The following PTPN21 variants were observed in gnomAD, a reference collection of about 807,000 sequenced individuals.
PTPN21 encodes the protein tyrosine-protein phosphatase non-receptor type 21.
PTPN21 carries 77 observed loss-of-function variants against 131.8 expected under a neutral mutation model. The ratio of observed to expected loss-of-function variants is 0.58; its 90% CI spans 0.49 to 0.71. The LOEUF is 0.71. PTPN21 is among the 30% of genes least tolerant of loss of function. The pLI is 0.00. For synonymous variants in PTPN21, 715 were observed against 621.3 expected, an observed-to-expected ratio of 1.15 and a Z score of -2.24; for missense variants, 1,552 against 1,527.1, an observed-to-expected ratio of 1.02 and a Z score of -0.27.
chr14:88,541,933 C>T (rs182922695), intron 2 of PTPN21, among the ~76,000 whole-genome samples: 153 of 152,278 alleles, frequency 1.0e-3, no homozygotes, highest in Non-Finnish European at 1.0e-3. Flanking sequence ...CAGGAAGCCT[C>T]CAGGCCCACA....
intron 12 of PTPN21, among the ~76,000 whole-genome samples, chr14:88,484,084 C>T (rs940324901): frequency 2.6e-5 from 4 of 151,560 alleles, no homozygotes; most frequent in Admixed American, 1.3e-4. Context: ...CTCTGTCATC[C>T]AGGCTGGAGT....
chr14:88,529,333 G>A (rs1399215298), intron 2 of PTPN21, among the ~76,000 whole-genome samples: 1 of 152,032 alleles, frequency 6.6e-6, no homozygotes, highest in Non-Finnish European at 1.5e-5. Context: ...TGATCATGGT[G>A]TATTATCTTT....
At chr14:88,551,136 G>A (rs1455336596) in intron 1 of PTPN21, 1 of 152,238 alleles carries the variant, frequency 6.6e-6, no homozygotes, top group African/African-American at 2.4e-5. Flanking sequence ...TTCAAACCCG[G>A]TGAGGTGCCT....
rs990726263 is a variant in PTPN21 at position 88,479,346 on chromosome 14, G to A, written c.2085C>T (p.Tyr695=). The change falls in exon 13 of 19, where the codon TAC becomes TAT. Residue 695 remains tyrosine (Y), a synonymous_variant. Transcript: ENST00000556564. ...EGPEEAEGLR[Y]GHKKSLSDAT... ...CGTCCGACAGGGACTTCTTATGGCC[G>A]TACCTCAAGCCCTCCGCCTCCTCCG... The A allele has an allele frequency of 3.5e-5, 56 of 1,613,210 alleles. No individual in the cohort carries two copies. Among genetic ancestry groups the A allele is most frequent in the East Asian group, 6.7e-5 (3 of 44,828 alleles).
intron 2 of PTPN21, among the ~76,000 whole-genome samples, chr14:88,531,025 C>T (rs962268160): frequency 6.6e-6 from 1 of 151,982 alleles, no homozygotes; most frequent in Non-Finnish European, 1.5e-5. Context: ...CCAAGATAGA[C>T]CATATGATAG....
rs76105181 is a variant in PTPN21 at position 88,540,287 on chromosome 14, T to C, written c.180+9951A>G. Among the ~76,000 whole-genome samples the C allele has an allele frequency of 4.2e-3, 644 of 152,272 alleles. 5 individuals are homozygous for C. Among genetic ancestry groups the C allele is most frequent in the African/African-American group, 0.015 (604 of 41,564 alleles). On this transcript the variant is annotated intron_variant, in intron 2 of 18. Transcript: ENST00000556564. ...TCTTTGGTCCACTCCATCAACGAGATGGTGGGAGGAAACAAAGTTGATTAT... is the reference window on the plus strand; with the variant it reads ...TCTTTGGTCCACTCCATCAACGAGACGGTGGGAGGAAACAAAGTTGATTAT...
At position 88,473,744 on chromosome 14, in the gene PTPN21, A is replaced by G; in HGVS notation, c.2570T>C (p.Leu857Pro). ...CACTCGAGATAGGGAGAGTCCATTT[A>G]GGGCAGCCAGTTTAAGAGGACCAAT... ...KKIGPLKLAA[L>P]NGLSLSRVPL... The change falls in exon 14 of 19, where the codon CTA (leucine) becomes CCA (proline). Residue 857 changes from leucine (L) to proline (P), a missense_variant. By Grantham distance (98) the Leu-to-Pro change is moderately conservative. Coordinates refer to ENST00000556564, the MANE Select transcript of PTPN21 (RefSeq NM_007039.4). 1 of 1,610,908 alleles carries G rather than the reference A, an allele frequency of 6.2e-7. No homozygotes were observed.
intron 2 of PTPN21, among the ~76,000 whole-genome samples, chr14:88,530,278 C>G (rs908586709): frequency 6.6e-6 from 1 of 152,144 alleles, no homozygotes; most frequent in Non-Finnish European, 1.5e-5. Flanking sequence ...CTGAAAGGAG[C>G]TCTTAATCTT....
chr14:88,481,612 A>T (rs1025940217), intron 12 of PTPN21, among the ~76,000 whole-genome samples: 5 of 152,250 alleles, frequency 3.3e-5, no homozygotes, highest in Non-Finnish European at 7.3e-5. Flanking sequence ...TGAAATCACC[A>T]TAATTCAAGG....
At chr14:88,513,790 T>C (rs946082710) in intron 3 of PTPN21, 1 of 152,252 alleles carries the variant, frequency 6.6e-6, no homozygotes, top group Non-Finnish European at 1.5e-5. Flanking sequence ...TTGCTAGATA[T>C]ATAATCATTG....
At chr14:88,474,018 T>C (rs1280661585) in intron 13 of PTPN21, 10 of 439,928 alleles carry the variant, frequency 2.3e-5, no homozygotes, top group Non-Finnish European at 3.1e-5. Flanking sequence ...GTCTTCCAGA[T>C]AGAAGGTTTT....
In PTPN21 at chr14:88,485,143, G is replaced by T. The variant is rs546190638; in HGVS notation, c.1011C>A (p.Tyr337Ter). ...GCAACTGCGGTGGGGGAGGCATCAC[G>T]TAGGGCTGGGGTTTAGGCTAAGAAA... ...SRMSLPKPQPYVMPPPPQLHY... is the reference protein window; with the variant it reads ...SRMSLPKPQP Residue 337 changes from tyrosine to a stop codon, truncating the protein, a stop_gained, in exon 12 of 19, where the codon TAC becomes TAA. Coordinates refer to ENST00000556564, the MANE Select transcript of PTPN21 (RefSeq NM_007039.4). LOFTEE classifies it high-confidence loss of function. 2 of 1,602,114 alleles carry T rather than the reference G, an allele frequency of 1.2e-6. No homozygotes were observed. The highest frequency in any genetic ancestry group is 1.7e-6 in the Non-Finnish European group (2 of 1,171,536).
chr14:88,532,326 C>G (rs1201988859), intron 2 of PTPN21, among the ~76,000 whole-genome samples: 3 of 152,052 alleles, frequency 2.0e-5, no homozygotes, highest in Non-Finnish European at 4.4e-5. Context: ...ATTTTCAGCT[C>G]TATTTTAAAA....
At chr14:88,507,006 G>A (rs566575975) in intron 4 of PTPN21, among the ~76,000 whole-genome samples, 46 of 151,876 alleles carry the variant, frequency 3.0e-4, no homozygotes, top group African/African-American at 1.1e-3. Flanking sequence ...CCGAGATCGT[G>A]CCACTGCACT....
chr14:88,548,435 G>A (rs2078814227), intron 2 of PTPN21, among the ~76,000 whole-genome samples: 1 of 152,052 alleles, frequency 6.6e-6, no homozygotes, highest in Admixed American at 6.6e-5. Flanking sequence ...CCCTTGATAG[G>A]ACTCCCTTGC....
chr14:88,475,980 A>T (rs2140091359), intron 13 of PTPN21, among the ~76,000 whole-genome samples: 1 of 152,338 alleles, frequency 6.6e-6, no homozygotes, highest in East Asian at 1.9e-4. Context: ...TACCCTGCAC[A>T]GTGATTTCTT....
chr14:88,472,641 G>A (rs1219949876), intron 14 of PTPN21, among the ~76,000 whole-genome samples, 176 bp from the exon 15 acceptor site: 3 of 152,134 alleles, frequency 2.0e-5, no homozygotes, highest in Admixed American at 1.3e-4. Context: ...AGGCCAAGGA[G>A]GGAGGATCAC....
At chr14:88,524,379 ACT>A (rs2078444514) in intron 2 of PTPN21, among the ~76,000 whole-genome samples, 1 of 152,124 alleles carries the variant, frequency 6.6e-6, no homozygotes, top group South Asian at 2.1e-4. Flanking sequence ...GGAAAAGAAT[ACT>A]CTCTTCAGCA....
In PTPN21 at chr14:88,523,526, T is replaced by C. The variant is rs150872773; in HGVS notation, c.181-6265A>G. Among the ~76,000 whole-genome samples the C allele has an allele frequency of 2.6e-5, 4 of 152,228 alleles. No homozygotes were observed. In the East Asian group the frequency reaches 7.7e-4, roughly 29 times the overall value. ...GGAGAAAGACTGAAAGCTTTCCCCC[T>C]AAGATCAGTAACAAGACAAGGATGC... On this transcript the variant is annotated intron_variant, in intron 2 of 18. Transcript: ENST00000556564.
Sources: gnomAD v4.1 joint callset for allele counts (sites outside exome capture counted in the v4.1 genomes callset) on GRCh38, gnomAD v4.1.1 for gene constraint, MANE v1.5 for transcripts, NCBI Gene and HGNC (gene_info 2026-07-23, HGNC 2026-07-21) for gene names.